Variants in TNRC6A observed in about 807,000 individuals in gnomAD.
TNRC6A encodes the protein trinucleotide repeat containing adaptor 6A, also known as trinucleotide repeat-containing gene 6A protein.
TNRC6A carries 44 observed loss-of-function variants against 221.2 expected under a neutral mutation model. The ratio of observed to expected loss-of-function variants is 0.20; its 90% CI spans 0.16 to 0.26. The LOEUF (loss-of-function observed/expected upper bound fraction) is 0.26. Among genes scored for constraint, TNRC6A ranks in the 10% least tolerant of loss-of-function variants. The pLI is 1.00. For synonymous variants in TNRC6A, 847 were observed against 838.5 expected, an observed-to-expected ratio of 1.01 and a Z score of -0.18; for missense variants, 2,199 against 2,404.4, an observed-to-expected ratio of 0.91 and a Z score of 1.79.
At chr16:24,660,234 A>G (rs1380561789) in intron 2 of TNRC6A, among the ~76,000 whole-genome samples, 1 of 151,110 alleles carries the variant, frequency 6.6e-6, no homozygotes, top group Admixed American at 6.6e-5. Context: ...CCCCCTTCCT[A>G]CCCTGTCCCC....
intron 2 of TNRC6A, among the ~76,000 whole-genome samples, chr16:24,685,758 G>A (rs187487612): frequency 6.6e-5 from 10 of 152,248 alleles, no homozygotes; most frequent in Admixed American, 3.9e-4. Context: ...TCTGTGCCTC[G>A]GTTTGCTCAT....
intron 3 of TNRC6A, among the ~76,000 whole-genome samples, chr16:24,755,171 T>G (rs2057223018): frequency 6.6e-6 from 1 of 152,214 alleles, no homozygotes. Context: ...GAGTGCTGAT[T>G]GCTAAGTCAT....
intron 11 of TNRC6A, among the ~76,000 whole-genome samples, chr16:24,799,314 C>T (rs1485228487): frequency 6.6e-6 from 1 of 152,184 alleles, no homozygotes; most frequent in Non-Finnish European, 1.5e-5. Flanking sequence ...GTCATCCGCA[C>T]AGATCATCCC....
At chr16:24,796,185 T>TA in intron 9 of TNRC6A, 1 of 418,848 alleles carries the variant, frequency 2.4e-6, no homozygotes, top group Non-Finnish European at 4.2e-6. Flanking sequence ...TTAAGGAAGA[T>TA]AGTAGCCCAA....
chr16:24,727,641 A>G (rs2056514308), upstream of TNRC6A, among the ~76,000 whole-genome samples: 1 of 152,220 alleles, frequency 6.6e-6, no homozygotes. Flanking sequence ...CAATCTTAAC[A>G]GCTGTGCAAA....
At chr16:24,693,215 G>A (rs1316616110) in intron 2 of TNRC6A, among the ~76,000 whole-genome samples, 1 of 151,946 alleles carries the variant, frequency 6.6e-6, no homozygotes, top group Non-Finnish European at 1.5e-5. Context: ...AGCACTTTGG[G>A]AGGCCGAGGT....
At chr16:24,804,872 T>C in intron 13 of TNRC6A, 21 bp downstream of exon 13, 1 of 1,613,630 alleles carries the variant, frequency 6.2e-7, no homozygotes, top group Middle Eastern at 1.6e-4. Flanking sequence ...ATGTGTATTT[T>C]AGGCTCTCAG....
chr16:24,823,980 A>G lies in TNRC6A; in HGVS notation c.*173A>G, dbSNP rs1253892723. The G allele has an allele frequency of 1.7e-5, 9 of 520,946 alleles. No homozygotes were observed. Among genetic ancestry groups the G allele is most frequent in the African/African-American group, 3.9e-5 (2 of 50,874 alleles). 32.3% of individuals were successfully genotyped at this position (520,946 alleles called of 1,614,324 possible). On this transcript the variant is annotated 3_prime_UTR_variant, in exon 25 of 25. Transcript: ENST00000395799. This position sits in a 1 kb window ranked among gnomAD's most constrained non-coding sequence, Gnocchi z 4.3. ...TTGAATACTTGAATCATGCAGGCCA[A>G]TATTATAATGTGAAAAGGTATCTAC...
intron 2 of TNRC6A, among the ~76,000 whole-genome samples, chr16:24,677,832 A>G (rs904612632): frequency 2.0e-5 from 3 of 152,028 alleles, no homozygotes; most frequent in Admixed American, 1.3e-4. Context: ...CTTCCCTTGA[A>G]CTGTTTGTTT....
rs2058296969 is a variant in TNRC6A, at chr16:24,799,860, C to A, written c.3694+1894C>A. 3.3e-5 allele frequency among the ~76,000 whole-genome samples: 5 copies of A among 152,146 alleles called. No homozygotes were observed. In the South Asian group the frequency reaches 1.0e-3, roughly 32 times the overall value. On this transcript the variant is annotated intron_variant, in intron 11 of 24. Transcript: ENST00000395799. ...GGATCTGAGCCCCCAGTTGTCCTTG[C>A]CTTTTATGGTTGCCATTGTTTTTCA...
chr16:24,665,903 G>T (rs1427801623), intron 2 of TNRC6A, among the ~76,000 whole-genome samples: 2 of 152,196 alleles, frequency 1.3e-5, no homozygotes, highest in Non-Finnish European at 2.9e-5. Context: ...TTTGTGAGGT[G>T]TTGGTGGTGG....
At chr16:24,763,217 T>A (rs531692781) in intron 4 of TNRC6A, among the ~76,000 whole-genome samples, 22 of 151,796 alleles carry the variant, frequency 1.4e-4, no homozygotes, top group African/African-American at 5.3e-4. Flanking sequence ...AGTACTAAAT[T>A]ACGTTCAAAG....
At chr16:24,719,086 T>C (rs995911927) in intron 2 of TNRC6A, among the ~76,000 whole-genome samples, 4 of 151,436 alleles carry the variant, frequency 2.6e-5, no homozygotes, top group Admixed American at 6.6e-5. Context: ...AAGCAGACTA[T>C]GGAAAATTAT....
At chr16:24,621,076 G>T (rs1251635537) in intron 1 of TNRC6A, among the ~76,000 whole-genome samples, 1 of 105,922 alleles carries the variant, frequency 9.4e-6, no homozygotes, top group Non-Finnish European at 1.8e-5. Flanking sequence ...AGAGCAAGAC[G>T]CCGTCTCAAA....
chr16:24,620,668 C>T (rs1198015541), intron 1 of TNRC6A, among the ~76,000 whole-genome samples: 2 of 151,992 alleles, frequency 1.3e-5, no homozygotes, highest in Non-Finnish European at 2.9e-5. Flanking sequence ...ATTAGCCGGG[C>T]GTGTTGGCGT....
At chr16:24,740,238 A>G (rs1448407687) in intron 2 of TNRC6A, among the ~76,000 whole-genome samples, 1 of 152,198 alleles carries the variant, frequency 6.6e-6, no homozygotes, top group African/African-American at 2.4e-5. Flanking sequence ...CATTGGCTGG[A>G]TAACCAGAGA....
chr16:24,790,751 A>G lies in TNRC6A; in HGVS notation c.2109A>G (p.Leu703=). The change falls in exon 6 of 25, where the codon TTA becomes TTG. Residue 703 remains leucine, a synonymous_variant. Transcript: ENST00000395799. ...RDRRKIDQHT[L]LQSIVNRTDL... ...GAAGAAAAATTGATCAGCACACATT[A>G]CTCCAAAGCATTGTAAACAGAACTG... is the stretch of plus-strand genomic sequence containing the variant. The G allele has an allele frequency of 1.2e-6, 2 of 1,614,050 alleles. No homozygotes were observed. The highest frequency in any genetic ancestry group is 1.7e-6 in the Non-Finnish European group (2 of 1,180,008).
At chr16:24,660,728 C>CTTTTTT (rs138458968) in intron 2 of TNRC6A, among the ~76,000 whole-genome samples, 6 of 122,540 alleles carry the variant, frequency 4.9e-5, no homozygotes, top group African/African-American at 6.6e-5. Flanking sequence ...TTTCTTTTTT[C>CTTTTTT]TTTTTTTTTT....
chr16:24,708,913 G>A (rs7189388), intron 2 of TNRC6A, among the ~76,000 whole-genome samples: 27,131 of 152,016 alleles, frequency 0.18, 3,613 homozygotes, highest in East Asian at 0.37. Context: ...TGGGCATTTA[G>A]GTTGGTTCCA....
Sources: gnomAD v4.1 joint callset for allele counts (sites outside exome capture counted in the v4.1 genomes callset) on GRCh38, gnomAD v4.1.1 for gene constraint, Gnocchi (gnomAD v3.1) non-coding constraint, MANE v1.5 for transcripts, NCBI Gene and HGNC (gene_info 2026-07-23, HGNC 2026-07-21) for gene names.